The following UHMK1 variants were observed in gnomAD, a reference collection of about 807,000 sequenced individuals.
The protein encoded by UHMK1 is serine/threonine-protein kinase Kist.
In UHMK1, 18 loss-of-function variants were observed where a neutral mutation model predicts 44.0. The ratio of observed to expected loss-of-function variants is 0.41; its 90% confidence interval spans 0.28 to 0.61. UHMK1 has a LOEUF of 0.61. Ranked by LOEUF, UHMK1 falls within the 20% of genes least tolerant of loss-of-function variation. The pLI is 0.31. For synonymous variants in UHMK1, 231 were observed against 198.5 expected (o/e 1.16, Z -1.38); for missense variants, 463 against 522.5 (o/e 0.89, Z 1.11).
intron 3 of UHMK1, 42 bp from the exon 4 acceptor site, chr1:162,503,710 TAC>T (rs747905746): frequency 2.0e-6 from 3 of 1,480,056 alleles, no homozygotes; most frequent in Non-Finnish European, 1.9e-6. Flanking sequence ...ATTCAATAAA[TAC>T]AGACTGAATA....
At chr1:162,512,992 G>A in intron 6 of UHMK1, 169 bp downstream of exon 6, 2 of 671,904 alleles carry the variant, frequency 3.0e-6, no homozygotes, top group South Asian at 1.9e-5. Flanking sequence ...CACTCTTGTT[G>A]CCCAGGCTGG....
At chr1:162,507,493 C>G (rs1211664740) in intron 4 of UHMK1, among the ~76,000 whole-genome samples, 1 of 151,766 alleles carries the variant, frequency 6.6e-6, no homozygotes, top group Admixed American at 6.6e-5. Context: ...ATGTGCCAGG[C>G]TGGTCTTGAA....
rs576539687 is a variant in UHMK1, at chr1:162,512,865, A to G, written c.1024+42A>G. The G allele has an allele frequency of 1.2e-5, 19 of 1,549,916 alleles. No homozygotes were observed. In the South Asian group the frequency reaches 2.0e-4, roughly 16 times the overall value. On this transcript the variant is annotated intron_variant, in intron 6 of 7. Transcript: ENST00000489294. ...TTATATTTTAATGTGTCTTTCTTAA[A>G]TAAGTCTAGAATAAACATATCCGTA...
intron 4 of UHMK1, among the ~76,000 whole-genome samples, chr1:162,506,150 T>G (rs964121936): frequency 6.6e-6 from 1 of 152,110 alleles, no homozygotes; most frequent in Non-Finnish European, 1.5e-5. Flanking sequence ...ATAAAATGGA[T>G]TCTAGCCTGG....
At chr1:162,519,682 G>A (rs1651984878) in intron 7 of UHMK1, among the ~76,000 whole-genome samples, 2 of 152,126 alleles carry the variant, frequency 1.3e-5, no homozygotes, top group Non-Finnish European at 2.9e-5. Flanking sequence ...TATTTTTTGA[G>A]AGATAGAATT....
At chr1:162,520,261 T>C (rs1397553816) in intron 7 of UHMK1, among the ~76,000 whole-genome samples, 1 of 152,186 alleles carries the variant, frequency 6.6e-6, no homozygotes, top group Non-Finnish European at 1.5e-5. Flanking sequence ...AAAACAAAAA[T>C]ATGAGCACAG....
In UHMK1 at chr1:162,525,628, AG is replaced by A. The variant is rs1652217976; in HGVS notation, c.*3079del. ...TCAGTAAGAGACAGCATTAACTAAA[AG>A]TACTGACTGCCTTTTAAAGGAATTT... is the stretch of plus-strand genomic sequence containing the variant. On this transcript the variant is annotated 3_prime_UTR_variant, in exon 8 of 8. Transcript: ENST00000489294. 6.6e-6 allele frequency: 1 copy of A among 152,236 alleles called. No homozygotes were observed. The highest frequency in any genetic ancestry group is 1.5e-5 in the Non-Finnish European group (1 of 68,038). The allele number at this position is 152,236 out of a possible 1,614,324, so 9.4% of individuals were successfully genotyped here.
At chr1:162,514,685 A>C (rs1162624080) in intron 6 of UHMK1, among the ~76,000 whole-genome samples, 1 of 152,218 alleles carries the variant, frequency 6.6e-6, no homozygotes, top group African/African-American at 2.4e-5. Context: ...TGAGAGCAAG[A>C]AGTGAGGCAG....
rs1652257349 is a variant in UHMK1 at position 162,526,471 on chromosome 1, A to C, written c.*3921A>C. ...ACATTGGAATCACATCATGACTTTG[A>C]GTCTGATGGCTGTGTAGATAAAGAT... On this transcript the variant is annotated 3_prime_UTR_variant, in exon 8 of 8. Transcript: ENST00000489294. The C allele has an allele frequency of 6.6e-6, 1 of 152,070 alleles. No individual in the cohort carries two copies. Among genetic ancestry groups the C allele is most frequent in the South Asian group, 2.1e-4 (1 of 4,828 alleles). 9.4% of individuals were successfully genotyped at this position (152,070 alleles called of 1,614,324 possible).
chr1:162,501,493 C>T (rs1220928142), intron 3 of UHMK1, among the ~76,000 whole-genome samples: 3 of 152,086 alleles, frequency 2.0e-5, no homozygotes, highest in African/African-American at 7.2e-5. Context: ...TTTTAGAGAA[C>T]TCTTGATTGC....
intron 4 of UHMK1, among the ~76,000 whole-genome samples, chr1:162,510,956 CTT>C (rs1651644150): frequency 6.6e-6 from 1 of 151,796 alleles, no homozygotes; most frequent in Non-Finnish European, 1.5e-5. Context: ...TTCTTTATGT[CTT>C]TTGTCTGTTT....
intron 6 of UHMK1, among the ~76,000 whole-genome samples, chr1:162,517,213 C>T (rs767521787): frequency 2.1e-4 from 32 of 152,154 alleles, no homozygotes; most frequent in Non-Finnish European, 4.1e-4. Context: ...GCAGGAGAAT[C>T]ACTTGAACCC....
Position 162,522,625 on chromosome 1 carries a change from C to G in UHMK1, c.*75C>G. ...TATTCCACATATGAATGCAGGACTA[C>G]CCCCTTACCATTTTAAGAAGGTACT... On this transcript the variant is annotated 3_prime_UTR_variant, in exon 8 of 8. Coordinates refer to ENST00000489294, the MANE Select transcript of UHMK1 (RefSeq NM_175866.5). The G allele has an allele frequency of 6.9e-7, 1 of 1,447,302 alleles. No homozygotes were observed. Among genetic ancestry groups the G allele is most frequent in the Non-Finnish European group, 9.4e-7 (1 of 1,059,960 alleles). 89.7% of individuals were successfully genotyped at this position (1,447,302 alleles called of 1,614,324 possible).
chr1:162,517,657 T>A (rs1571017357), intron 6 of UHMK1, among the ~76,000 whole-genome samples: 1 of 151,930 alleles, frequency 6.6e-6, no homozygotes, highest in Non-Finnish European at 1.5e-5. Flanking sequence ...GAGGCTGAGG[T>A]GGGCGGATCA....
At position 162,522,998 on chromosome 1, in the gene UHMK1, T is replaced by A. The variant is rs1416001158; in HGVS notation, c.*448T>A. The stretch of plus-strand genomic sequence containing the variant: ...ATATCCATAAGCTGGCACTGGATGC[T>A]CTCAGTAATGTTAAGTAATTGTCAA... On this transcript the variant is annotated 3_prime_UTR_variant, in exon 8 of 8. Transcript: ENST00000489294. The A allele has an allele frequency of 6.3e-6, 1 of 159,268 alleles. No individual in the cohort carries two copies. The allele number at this position is 159,268 out of a possible 1,614,324, so 9.9% of individuals were successfully genotyped here.
At chr1:162,521,603 A>G (rs1033602273) in intron 7 of UHMK1, among the ~76,000 whole-genome samples, 2 of 152,074 alleles carry the variant, frequency 1.3e-5, no homozygotes, top group East Asian at 1.9e-4. Context: ...GATTACAGGC[A>G]TGTGCTATCA....
rs1331722370 is a variant in UHMK1 at position 162,522,508 on chromosome 1, G to T, written c.1218G>T (p.Leu406=). 2.5e-6 allele frequency: 4 copies of T among 1,614,082 alleles called. 1 individual carries two copies. The highest frequency in any genetic ancestry group is 3.4e-6 in the Non-Finnish European group (4 of 1,180,036). The stretch of plus-strand genomic sequence containing the variant: ...TTGTTGTGGCTACATTCTACCCGCT[G>T]AGTGCCTACAAGAGGGGATATCTGT... ...GKFVVATFYP[L]SAYKRGYLYQ... The change falls in exon 8 of 8, where the codon CTG becomes CTT. Residue 406 remains leucine (L), a synonymous_variant. Transcript: ENST00000489294.
chr1:162,522,364 T>C (rs1445218079), intron 7 of UHMK1, 40 bp from the exon 8 acceptor site: 1 of 1,608,742 alleles, frequency 6.2e-7, no homozygotes, highest in Admixed American at 1.7e-5. Flanking sequence ...TAAAACAATC[T>C]TGGTGGAAAT....
intron 6 of UHMK1, among the ~76,000 whole-genome samples, chr1:162,517,264 A>G (rs540199727): frequency 3.3e-5 from 5 of 152,100 alleles, no homozygotes; most frequent in African/African-American, 1.2e-4. Flanking sequence ...GTGCCACTAC[A>G]CTCCAGCCTG....
Sources: allele counts gnomAD v4.1 joint callset (sites outside exome capture counted in the v4.1 genomes callset), GRCh38; gene constraint gnomAD v4.1.1; transcripts MANE v1.5; gene names NCBI Gene and HGNC (gene_info 2026-07-23, HGNC 2026-07-21).